KIF18A: variants seen among roughly 807,000 people sequenced by gnomAD.
The protein encoded by KIF18A is kinesin family member 18A.
In KIF18A, 67 loss-of-function variants were observed where a neutral mutation model predicts 103.3. That is an observed-to-expected ratio of 0.65 (90% CI 0.53 to 0.79). KIF18A has a LOEUF of 0.79. KIF18A is among the 30% of genes least tolerant of loss of function. The pLI is 0.00. For missense variants in KIF18A, 1,032 were observed against 1,062.5 expected (o/e 0.97, Z 0.40); for synonymous variants, 367 against 355.5 (o/e 1.03, Z -0.36).
At chr11:28,073,118 T>C (rs912150273) in intron 10 of KIF18A, among the ~76,000 whole-genome samples, 3 of 152,090 alleles carry the variant, frequency 2.0e-5, no homozygotes, top group African/African-American at 7.2e-5. Flanking sequence ...ATGGCAAATA[T>C]GTTTAACATC....
chr11:28,070,124 T>C (rs932124262), intron 10 of KIF18A, among the ~76,000 whole-genome samples: 2 of 152,066 alleles, frequency 1.3e-5, no homozygotes, highest in African/African-American at 4.8e-5. Flanking sequence ...CTAAAGTCAA[T>C]AATTATCAGA....
rs528183655 is a variant in KIF18A at position 28,108,084 on chromosome 11, C to T, written c.-67G>A. ...TTTACCTTCATGTGCCTCTCACTCA[C>T]TTCAGGCCCAGGCCAGGTTACCGCA... On this transcript the variant is annotated 5_prime_UTR_variant, in exon 1 of 17. The change creates a new upstream start codon in the 5' untranslated region. Transcript: ENST00000263181. The T allele has an allele frequency of 4.6e-5, 7 of 152,642 alleles. No homozygotes were observed. Among genetic ancestry groups the T allele is most frequent in the Non-Finnish European group, 7.3e-5 (5 of 68,374 alleles). 9.5% of individuals were successfully genotyped at this position (152,642 alleles called of 1,614,324 possible).
chr11:28,102,391 C>T (rs1423347716), intron 1 of KIF18A, among the ~76,000 whole-genome samples: 1 of 152,060 alleles, frequency 6.6e-6, no homozygotes, highest in African/African-American at 2.4e-5. Context: ...TGAGTTGTCC[C>T]GCCTTTCTGA....
At chr11:28,049,238 T>G (rs148790251) in intron 13 of KIF18A, among the ~76,000 whole-genome samples, 245 of 152,176 alleles carry the variant, frequency 1.6e-3, no homozygotes, top group African/African-American at 5.7e-3. Flanking sequence ...ATGTGGTTTC[T>G]TAAGTAGAGG....
At chr11:28,068,272 G>A (rs1850963227) in intron 11 of KIF18A, among the ~76,000 whole-genome samples, 1 of 151,988 alleles carries the variant, frequency 6.6e-6, no homozygotes, top group Non-Finnish European at 1.5e-5. Flanking sequence ...AGGCTGTCAG[G>A]GGTAGGGGGC....
intron 11 of KIF18A, among the ~76,000 whole-genome samples, chr11:28,065,372 T>C (rs1472417517): frequency 6.6e-6 from 1 of 152,084 alleles, no homozygotes; most frequent in Non-Finnish European, 1.5e-5. Context: ...ATTTGGGTGA[T>C]GGCAATGAAA....
intron 15 of KIF18A, among the ~76,000 whole-genome samples, chr11:28,032,245 A>AT (rs1241030560): frequency 1.3e-5 from 2 of 151,998 alleles, no homozygotes; most frequent in Non-Finnish European, 2.9e-5. Flanking sequence ...AAGATATTCC[A>AT]TGTTCATGGA....
In KIF18A at chr11:28,069,510, G is replaced by A. The variant is rs1688696461; in HGVS notation, c.1426-87C>T. On this transcript the variant is annotated intron_variant, in intron 10 of 16. Transcript: ENST00000263181. ...AGTAAACTAGTATATTTTCTTATGT[G>A]TACTATTGTAGTAAATTAAGTTAGG... The A allele has an allele frequency of 4.8e-6, 6 of 1,239,910 alleles. No individual in the cohort carries two copies. The South Asian group carries it at 6.1e-5, about 13-fold the overall frequency. The allele number at this position is 1,239,910 out of a possible 1,614,324, so 76.8% of individuals were successfully genotyped here.
chr11:28,021,375 G>A (rs1850241306), intron 16 of KIF18A, 93 bp from the exon 17 acceptor site: 1 of 1,056,686 alleles, frequency 9.5e-7, no homozygotes, highest in Non-Finnish European at 1.2e-6. Flanking sequence ...ACCATAGAAA[G>A]AAAAATTTAC....
At chr11:28,066,425 G>A (rs187870717) in intron 11 of KIF18A, among the ~76,000 whole-genome samples, 14 of 152,048 alleles carry the variant, frequency 9.2e-5, no homozygotes, top group African/African-American at 3.4e-4. Flanking sequence ...TCTATGATGA[G>A]CCTCTATGGC....
In KIF18A at chr11:28,081,067, A is replaced by C. The variant is rs111568316; in HGVS notation, c.1262+1789T>G. 6.5e-4 allele frequency among the ~76,000 whole-genome samples: 99 copies of C among 152,340 alleles called. 1 individual carries two copies. The highest frequency in any genetic ancestry group is 2.3e-3 in the African/African-American group (95 of 41,582). On this transcript the variant is annotated intron_variant, in intron 9 of 16. Coordinates refer to ENST00000263181, the MANE Select transcript of KIF18A (RefSeq NM_031217.4). The stretch of plus-strand genomic sequence containing the variant: ...TCTACAAAGGCTGAGAGAGGTGAGG[A>C]AGTTGCAGAGGAAAATTCTGAAACT...
intron 13 of KIF18A, chr11:28,056,906 CT>C: frequency 2.6e-6 from 1 of 389,254 alleles, no homozygotes; most frequent in South Asian, 1.9e-5. Flanking sequence ...AAAATGGACT[CT>C]AGTTGGGAGT....
chr11:28,054,196 T>C (rs141290801), intron 13 of KIF18A, among the ~76,000 whole-genome samples: 22 of 152,152 alleles, frequency 1.4e-4, no homozygotes, highest in Non-Finnish European at 3.2e-4. Context: ...ATATTCATTA[T>C]AGTTAATCTC....
At chr11:28,051,372 C>G (rs1489432969) in intron 13 of KIF18A, among the ~76,000 whole-genome samples, 2 of 151,632 alleles carry the variant, frequency 1.3e-5, no homozygotes, top group Non-Finnish European at 3.0e-5. Flanking sequence ...ATTGAGTAAA[C>G]AGAATTATAT....
At chr11:28,055,564 G>A (rs1002330321) in intron 13 of KIF18A, among the ~76,000 whole-genome samples, 1 of 152,104 alleles carries the variant, frequency 6.6e-6, no homozygotes, top group Non-Finnish European at 1.5e-5. Context: ...TTTGAGTTGG[G>A]ACTCTGAACA....
At chr11:28,094,508 C>A in intron 3 of KIF18A, 135 bp downstream of exon 3, 2 of 684,020 alleles carry the variant, frequency 2.9e-6, no homozygotes, top group Non-Finnish European at 2.3e-6. Context: ...GAAAAAGATG[C>A]ATAACAAATA....
chr11:28,024,507 A>G (rs1850288170), intron 15 of KIF18A, among the ~76,000 whole-genome samples: 1 of 152,150 alleles, frequency 6.6e-6, no homozygotes, highest in Non-Finnish European at 1.5e-5. Context: ...ACAAGGCACA[A>G]AAATCCCTGT....
rs759516608 is a variant in KIF18A, at chr11:28,083,218, T to G, written c.1100A>C (p.Asn367Thr). 6.4e-7 allele frequency: 1 copy of G among 1,559,856 alleles called. No homozygotes were observed. The highest frequency in any genetic ancestry group is 2.4e-5 in the East Asian group (1 of 42,458). ...CTTTACATATTGAGTTATATGATTA[T>G]TGACATTAAGAACATTGCTCTTCAA... ...SSLKSNVLNV[N>T]NHITQYVKIC... is the part of the protein sequence containing the mutation. The change falls in exon 8 of 17, where the codon AAT becomes ACT. Residue 367 changes from asparagine (N) to threonine (T), a missense_variant. Physicochemically the swap from Asn to Thr is moderately conservative, Grantham distance 65. Coordinates refer to ENST00000263181, the MANE Select transcript of KIF18A (RefSeq NM_031217.4).
chr11:28,083,137 C>A, intron 8 of KIF18A, 32 bp downstream of exon 8: 3 of 1,570,042 alleles, frequency 1.9e-6, no homozygotes, highest in Non-Finnish European at 1.7e-6. Context: ...AAGAACTGCG[C>A]AAGACTAGCA....
Sources: allele counts gnomAD v4.1 joint callset (sites outside exome capture counted in the v4.1 genomes callset), GRCh38; gene constraint gnomAD v4.1.1; transcripts MANE v1.5; gene names NCBI Gene and HGNC (gene_info 2026-07-23, HGNC 2026-07-21).